DLGAP1: variants seen among roughly 807,000 people sequenced by gnomAD.
DLGAP1 encodes the protein disks large-associated protein 1.
In DLGAP1, 11 loss-of-function variants were observed where a neutral mutation model predicts 90.8. That is an observed-to-expected ratio of 0.12 (90% CI 0.08 to 0.20). DLGAP1 has a LOEUF of 0.20. Among genes scored for constraint, DLGAP1 ranks in the 10% least tolerant of loss-of-function variants. The pLI is 1.00. For synonymous variants in DLGAP1, 558 were observed against 540.7 expected, an observed-to-expected ratio of 1.03 and a Z score of -0.44; for missense variants, 1,050 against 1,333.8, an observed-to-expected ratio of 0.79 and a Z score of 3.31.
intron 7 of DLGAP1, among the ~76,000 whole-genome samples, chr18:3,637,086 C>T (rs563422145): frequency 1.3e-5 from 2 of 152,124 alleles, no homozygotes; most frequent in Non-Finnish European, 2.9e-5. Flanking sequence ...TTCCTAAGAA[C>T]AAAACTGAAC....
At chr18:4,286,920 C>T (rs570516362) in intron 1 of DLGAP1, among the ~76,000 whole-genome samples, 1 of 152,070 alleles carries the variant, frequency 6.6e-6, no homozygotes, top group South Asian at 2.1e-4. Flanking sequence ...GGGAGTGAAC[C>T]ACATGGATAT....
At chr18:4,074,193 T>C (rs1408520499) in intron 2 of DLGAP1, among the ~76,000 whole-genome samples, 4 of 152,182 alleles carry the variant, frequency 2.6e-5, no homozygotes, top group Non-Finnish European at 1.5e-5. Flanking sequence ...GACTTAGTTC[T>C]ACTAACTACC....
chr18:3,627,152 C>A (rs2058327324), intron 7 of DLGAP1, among the ~76,000 whole-genome samples: 1 of 152,056 alleles, frequency 6.6e-6, no homozygotes, highest in South Asian at 2.1e-4. Flanking sequence ...GTTGCCCAGG[C>A]TGGTCTTGAA....
chr18:3,949,612 C>T (rs78933278), intron 3 of DLGAP1, among the ~76,000 whole-genome samples: 24,360 of 152,106 alleles, frequency 0.16, 2,057 homozygotes, highest in Middle Eastern at 0.21. Context: ...GGAAATTTCA[C>T]CAGCAGAGCG....
rs557102794 is a variant in DLGAP1, at chr18:3,547,569, C to A, written c.2058-12954G>T. Among the ~76,000 whole-genome samples, 4 of 145,262 alleles carry A rather than the reference C, an allele frequency of 2.8e-5. No homozygotes were observed. In the Admixed American group the frequency reaches 2.9e-4, roughly 11 times the overall value. ...ATAGATCCACACCACAATGACATGC[C>A]ACTTCATACCCAATAGGATAGCCAT... On this transcript the variant is annotated intron_variant, in intron 9 of 12. Transcript: ENST00000315677.
chr18:4,009,957 A>G (rs1466350998), intron 2 of DLGAP1, among the ~76,000 whole-genome samples: 1 of 152,198 alleles, frequency 6.6e-6, no homozygotes, highest in Non-Finnish European at 1.5e-5. Context: ...TCTAAAGACT[A>G]AAGATGTAAA....
At chr18:3,516,978 T>TA (rs1191526843) in intron 10 of DLGAP1, among the ~76,000 whole-genome samples, 2 of 152,242 alleles carry the variant, frequency 1.3e-5, no homozygotes, top group Non-Finnish European at 2.9e-5. Context: ...CTTGGTTGAC[T>TA]AGGTGCATTG....
chr18:3,601,034 AG>A (rs1441796849), intron 7 of DLGAP1, among the ~76,000 whole-genome samples: 13 of 146,606 alleles, frequency 8.9e-5, no homozygotes, highest in African/African-American at 3.2e-4. Flanking sequence ...ATATAGATAT[AG>A]AGATAAAGAT....
intron 9 of DLGAP1, among the ~76,000 whole-genome samples, chr18:3,559,597 T>C (rs1020007077): frequency 2.0e-5 from 3 of 151,874 alleles, no homozygotes; most frequent in African/African-American, 7.3e-5. Context: ...AGAGTTTGCA[T>C]TATGCATTTA....
intron 2 of DLGAP1, among the ~76,000 whole-genome samples, chr18:4,031,852 A>G (rs2074801214): frequency 6.6e-6 from 1 of 152,246 alleles, no homozygotes; most frequent in Admixed American, 6.5e-5. Flanking sequence ...GATGATAAAA[A>G]TGACAGAGCA....
intron 2 of DLGAP1, among the ~76,000 whole-genome samples, chr18:4,014,275 G>A (rs533532489): frequency 3.1e-4 from 47 of 151,968 alleles, no homozygotes; most frequent in African/African-American, 8.2e-4. Flanking sequence ...TAGTAGAGAC[G>A]GGGTTTCACC....
At chr18:3,697,478 G>C (rs1380776254) in intron 7 of DLGAP1, among the ~76,000 whole-genome samples, 1 of 152,114 alleles carries the variant, frequency 6.6e-6, no homozygotes, top group Non-Finnish European at 1.5e-5. Context: ...AGGTTGTTCA[G>C]TTTCCATGTA....
rs117048696 is a variant in DLGAP1, at chr18:4,055,374, T to G, written c.-158-50173A>C. Reference sequence around the variant, plus strand: ...GTGAGAGTTTGGTGTACAGATTATTTCATCATCCAGATGATAAGCACAGAA... The same window carrying G: ...GTGAGAGTTTGGTGTACAGATTATTGCATCATCCAGATGATAAGCACAGAA... On this transcript the variant is annotated intron_variant, in intron 2 of 12. Coordinates refer to ENST00000315677, the MANE Select transcript of DLGAP1 (RefSeq NM_004746.4). 9.2e-5 allele frequency among the ~76,000 whole-genome samples: 14 copies of G among 152,350 alleles called. No individual in the cohort carries two copies. In the East Asian group the frequency reaches 2.7e-3, roughly 29 times the overall value.
intron 2 of DLGAP1, among the ~76,000 whole-genome samples, chr18:4,011,389 A>G (rs1387296642): frequency 1.3e-5 from 2 of 152,070 alleles, no homozygotes; most frequent in African/African-American, 4.8e-5. Flanking sequence ...GGCTGTTTAG[A>G]AACTTTCTAG....
At chr18:4,022,423 A>ACC (rs2074627800) in intron 2 of DLGAP1, among the ~76,000 whole-genome samples, 1 of 148,922 alleles carries the variant, frequency 6.7e-6, no homozygotes, top group Non-Finnish European at 1.5e-5. Flanking sequence ...ACACACACAC[A>ACC]CCACACACAC....
intron 1 of DLGAP1, among the ~76,000 whole-genome samples, chr18:4,304,653 A>T (rs659440): frequency 0.73 from 110,808 of 152,156 alleles, 43,478 homozygotes; most frequent in East Asian, 0.91. Context: ...GTCATTGGCC[A>T]GGCGTGGTGG....
chr18:3,799,479 T>C (rs1415296567), intron 5 of DLGAP1, among the ~76,000 whole-genome samples: 1 of 148,336 alleles, frequency 6.7e-6, no homozygotes, highest in East Asian at 2.0e-4. Flanking sequence ...TTGTACCATG[T>C]CACTTAAAAA....
rs1164984338 is a variant in DLGAP1 at position 3,727,495 on chromosome 18, C to T, written c.1591+1640G>A. 6.6e-6 allele frequency among the ~76,000 whole-genome samples: 1 copy of T among 152,076 alleles called. No individual in the cohort carries two copies. The highest frequency in any genetic ancestry group is 2.4e-5 in the African/African-American group (1 of 41,396). On this transcript the variant is annotated intron_variant, in intron 7 of 12. Transcript: ENST00000315677. The surrounding 1 kb of genome is among the most constrained non-coding windows in gnomAD (Gnocchi z 4.7). ...CCCCTTGTGACTTCTGGGCCAGGAT[C>T]TGCATTTTACATATTTAAGGAGCGA...
chr18:3,627,863 C>T (rs892973543), intron 7 of DLGAP1, among the ~76,000 whole-genome samples: 9 of 147,132 alleles, frequency 6.1e-5, no homozygotes, highest in Non-Finnish European at 1.2e-4. Flanking sequence ...TCCCTTCCTC[C>T]CTCCTTCCTT....
Sources: allele counts gnomAD v4.1 joint callset (sites outside exome capture counted in the v4.1 genomes callset), GRCh38; gene constraint gnomAD v4.1.1; non-coding constraint Gnocchi (gnomAD v3.1); transcripts MANE v1.5; gene names NCBI Gene and HGNC (gene_info 2026-07-23, HGNC 2026-07-21).